The following TLN2 variants were observed in gnomAD, a reference collection of about 807,000 sequenced individuals.
TLN2 encodes the protein talin-2.
In TLN2, 118 loss-of-function variants were observed where a neutral mutation model predicts 294.7. The observed-to-expected ratio is 0.40, with a 90% confidence interval of 0.34 to 0.47. TLN2 has a LOEUF of 0.47. TLN2 is among the 20% of genes least tolerant of loss of function. TLN2 has a pLI of 0.84. For synonymous variants in TLN2, 1,431 were observed against 1,304.5 expected (o/e 1.10, Z -2.09); for missense variants, 3,083 against 3,282.2 (o/e 0.94, Z 1.48).
rs1328906984 is a variant in TLN2 at position 62,762,504 on chromosome 15, G to A, written c.4961+51G>A. Reference sequence around the variant, plus strand: ...GCCAGCCTGCATCTCAGCGGGGAAGGAGGAGGATAAGCCCACCAGGCTTTT... The same window carrying A: ...GCCAGCCTGCATCTCAGCGGGGAAGAAGGAGGATAAGCCCACCAGGCTTTT... On this transcript the variant is annotated intron_variant, in intron 39 of 58. Transcript: ENST00000636159. 2.5e-6 allele frequency: 4 copies of A among 1,596,150 alleles called. No homozygotes were observed. The East Asian group carries it at 9.0e-5, about 36-fold the overall frequency.
rs980090611 is a variant in TLN2 at position 62,411,976 on chromosome 15, G to A, written c.-238+21291G>A. On this transcript the variant is annotated intron_variant, in intron 1 of 58. Coordinates refer to ENST00000636159, the MANE Select transcript of TLN2 (RefSeq NM_015059.3). The stretch of plus-strand genomic sequence containing the variant: ...AGATTCATCTGAGTACTAACTCAAA[G>A]TAAATTTACACAGCTCGCTGGGCAT... Among the ~76,000 whole-genome samples the A allele has an allele frequency of 2.6e-5, 4 of 152,308 alleles. No homozygotes were observed. In the South Asian group the frequency reaches 6.2e-4, roughly 24 times the overall value.
At chr15:62,797,871 T>C (rs2141135610) in intron 48 of TLN2, among the ~76,000 whole-genome samples, 1 of 151,994 alleles carries the variant, frequency 6.6e-6, no homozygotes, top group South Asian at 2.1e-4. Context: ...ACTGTTGCCA[T>C]AGAGGTAGCG....
At chr15:62,685,124 A>T (rs980624229) in intron 11 of TLN2, among the ~76,000 whole-genome samples, 2 of 151,900 alleles carry the variant, frequency 1.3e-5, no homozygotes, top group Non-Finnish European at 2.9e-5. Context: ...AACACATGAG[A>T]TGTTCAGTGC....
Position 62,749,928 on chromosome 15 carries a change from G to A in TLN2, c.4120-474G>A, listed in dbSNP as rs369828665. On this transcript the variant is annotated intron_variant, in intron 33 of 58. Coordinates refer to ENST00000636159, the MANE Select transcript of TLN2 (RefSeq NM_015059.3). ...GAACCATCACAATGGACAGTTTGGG[G>A]GAATTACCTTCTTTCATGCCTTCCT... Among the ~76,000 whole-genome samples the A allele has an allele frequency of 1.9e-4, 29 of 152,260 alleles. No individual in the cohort carries two copies. The South Asian group carries it at 6.0e-3, about 32-fold the overall frequency.
At chr15:62,676,386 A>G (rs187948921) in intron 11 of TLN2, among the ~76,000 whole-genome samples, 18 of 152,342 alleles carry the variant, frequency 1.2e-4, no homozygotes, top group Admixed American at 7.8e-4. Context: ...AAGAACGTAT[A>G]CATCAGTCAC....
At chr15:62,585,634 G>A (rs952578368) in intron 1 of TLN2, among the ~76,000 whole-genome samples, 9 of 152,164 alleles carry the variant, frequency 5.9e-5, no homozygotes, top group African/African-American at 1.7e-4. Flanking sequence ...CAGAAAAGGC[G>A]CATCATGGGA....
At chr15:62,560,683 A>G (rs1470227313) in intron 1 of TLN2, among the ~76,000 whole-genome samples, 2 of 152,246 alleles carry the variant, frequency 1.3e-5, no homozygotes, top group Admixed American at 6.5e-5. Context: ...GTTAAGAATT[A>G]CCAGGCATTC....
At chr15:62,804,266 G>C (rs1196418340) in intron 50 of TLN2, among the ~76,000 whole-genome samples, 1 of 152,184 alleles carries the variant, frequency 6.6e-6, no homozygotes, top group Non-Finnish European at 1.5e-5. Context: ...GGAAACTACA[G>C]ACACATGGGT....
intron 1 of TLN2, among the ~76,000 whole-genome samples, chr15:62,497,935 C>G (rs2039095191): frequency 6.6e-6 from 1 of 151,812 alleles, no homozygotes; most frequent in South Asian, 2.1e-4. Context: ...GCCCATGCTT[C>G]CTGTCTTGAG....
intron 1 of TLN2, among the ~76,000 whole-genome samples, chr15:62,403,568 TGTGGTACAATCCA>T (rs1316206268): frequency 9.8e-5 from 15 of 152,340 alleles, no homozygotes; most frequent in African/African-American, 3.6e-4. Flanking sequence ...GCAATACCCA[TGTGGTACAATCCA>T]GTGGCTAACT....
intron 1 of TLN2, among the ~76,000 whole-genome samples, chr15:62,556,137 T>C (rs1276733824): frequency 1.3e-5 from 2 of 152,000 alleles, no homozygotes; most frequent in African/African-American, 4.8e-5. Flanking sequence ...TTTGGTTTTT[T>C]TTAATGTCAT....
chr15:62,728,076 G>A (rs569413394), intron 28 of TLN2, among the ~76,000 whole-genome samples: 16 of 152,268 alleles, frequency 1.1e-4, no homozygotes, highest in African/African-American at 3.8e-4. Context: ...TACCAGGATC[G>A]AGGAATCAAA....
intron 28 of TLN2, among the ~76,000 whole-genome samples, chr15:62,734,610 C>T (rs777784681): frequency 6.6e-6 from 1 of 152,210 alleles, no homozygotes; most frequent in Non-Finnish European, 1.5e-5. Flanking sequence ...CACCTTTGTG[C>T]TTTCTCTTCT....
chr15:62,408,052 A>T (rs1046131987), intron 1 of TLN2, among the ~76,000 whole-genome samples: 1 of 152,184 alleles, frequency 6.6e-6, no homozygotes, highest in Non-Finnish European at 1.5e-5. Flanking sequence ...CATAGTTGTG[A>T]GCAAGGTCTG....
chr15:62,806,251 C>T (rs995204396), intron 51 of TLN2, among the ~76,000 whole-genome samples: 1 of 152,188 alleles, frequency 6.6e-6, no homozygotes, highest in African/African-American at 2.4e-5. Context: ...GGAAATGACT[C>T]TCTAAGGCAG....
chr15:62,709,823 C>T (rs1342518593), intron 21 of TLN2, among the ~76,000 whole-genome samples: 3 of 152,130 alleles, frequency 2.0e-5, no homozygotes, highest in Admixed American at 2.0e-4. Flanking sequence ...CAACCTCCAC[C>T]TCCCAGGTTC....
intron 32 of TLN2, among the ~76,000 whole-genome samples, chr15:62,746,589 A>C (rs998539565): frequency 2.6e-5 from 4 of 152,228 alleles, no homozygotes; most frequent in Admixed American, 1.3e-4. Context: ...GCTTTTGTAC[A>C]TTGGCAACAT....
intron 1 of TLN2, among the ~76,000 whole-genome samples, chr15:62,454,350 A>G (rs1440883338): frequency 1.3e-5 from 2 of 152,054 alleles, no homozygotes; most frequent in African/African-American, 4.8e-5. Context: ...TGCCCCACAC[A>G]CCAGGGAGGC....
chr15:62,701,244 G>A (rs2058701235), intron 17 of TLN2, 30 bp downstream of exon 17: 2 of 1,545,120 alleles, frequency 1.3e-6, no homozygotes, highest in East Asian at 2.2e-5. Flanking sequence ...GTGCTGCATT[G>A]GGGTTTTGTT....
Sources: gnomAD v4.1 joint callset for allele counts (sites outside exome capture counted in the v4.1 genomes callset) on GRCh38, gnomAD v4.1.1 for gene constraint, MANE v1.5 for transcripts, NCBI Gene and HGNC (gene_info 2026-07-23, HGNC 2026-07-21) for gene names.